CEP120: variants seen among roughly 807,000 people sequenced by gnomAD.
CEP120 encodes centrosomal protein 120.
A neutral mutation model predicts 126.5 loss-of-function variants in CEP120; 113 were observed. The ratio of observed to expected loss-of-function variants is 0.89; its 90% confidence interval spans 0.77 to 1.04. CEP120 has a LOEUF of 1.04. CEP120 is among the 50% of genes least tolerant of loss of function. The pLI, the probability that CEP120 is intolerant of heterozygous loss-of-function variation, is 0.00. For synonymous variants in CEP120, 400 were observed against 394.3 expected (o/e 1.01, Z -0.17); for missense variants, 1,230 against 1,155.7 (o/e 1.06, Z -0.93).
intron 17 of CEP120, among the ~76,000 whole-genome samples, chr5:123,366,304 TA>T (rs903014023): frequency 4.0e-5 from 6 of 151,476 alleles, no homozygotes; most frequent in Admixed American, 3.9e-4. Flanking sequence ...TAAGTAGATT[TA>T]AACTTCTGGA....
chr5:123,422,995 C>T lies in CEP120; in HGVS notation c.4G>A (p.Val2Ile). ...ATGAGCAATTGGTCGGATTTGGAGA[C>T]CATGGTTGCGGTGAGCGGTCCGGGG... The part of the protein sequence containing the change: M[V>I]SKSDQLLIVV... Residue 2 changes from valine to isoleucine, a missense_variant, in exon 1 of 20, where the codon GTC becomes ATC. By Grantham distance (29) the Val-to-Ile change is conservative. Coordinates refer to ENST00000306467, the MANE Select transcript of CEP120 (RefSeq NM_001375405.1). 6.2e-7 allele frequency: 1 copy of T among 1,614,062 alleles called. No homozygotes were observed. The highest frequency in any genetic ancestry group is 8.5e-7 in the Non-Finnish European group (1 of 1,179,962).
At chr5:123,356,828 C>G (rs1769671687) in intron 18 of CEP120, among the ~76,000 whole-genome samples, 1 of 152,066 alleles carries the variant, frequency 6.6e-6, no homozygotes, top group South Asian at 2.1e-4. Flanking sequence ...TCAACAAATA[C>G]TGTTATTGTT....
At chr5:123,356,203 G>C (rs898632328) in intron 18 of CEP120, among the ~76,000 whole-genome samples, 19 of 152,114 alleles carry the variant, frequency 1.2e-4, no homozygotes, top group Non-Finnish European at 2.2e-4. Context: ...ATAGTTTGAA[G>C]TCAGGTAGCA....
chr5:123,381,360 A>G (rs937159385), intron 14 of CEP120, among the ~76,000 whole-genome samples: 4 of 141,828 alleles, frequency 2.8e-5, no homozygotes, highest in Non-Finnish European at 6.2e-5. Flanking sequence ...TGATGAGAGG[A>G]GGGGGTTATA....
chr5:123,347,130 T>C (rs545041565), intron 19 of CEP120, among the ~76,000 whole-genome samples: 25 of 152,332 alleles, frequency 1.6e-4, no homozygotes, highest in Middle Eastern at 3.4e-3. Flanking sequence ...ACTTAAAATA[T>C]GTATTTTTTG....
intron 18 of CEP120, among the ~76,000 whole-genome samples, chr5:123,354,287 T>C (rs928083759): frequency 7.9e-5 from 12 of 152,134 alleles, no homozygotes; most frequent in Non-Finnish European, 1.3e-4. Context: ...TACAATCTTC[T>C]GGAATGTGTT....
intron 4 of CEP120, chr5:123,403,215 A>G (rs1396359259): frequency 2.2e-6 from 1 of 449,482 alleles, no homozygotes; most frequent in African/African-American, 2.0e-5. Flanking sequence ...CAGCTAACAT[A>G]CCTAGCACCT....
intron 17 of CEP120, among the ~76,000 whole-genome samples, chr5:123,372,335 T>TGC (rs1162851498): frequency 6.6e-6 from 1 of 152,106 alleles, no homozygotes; most frequent in African/African-American, 2.4e-5. Flanking sequence ...ATCTTGGCTA[T>TGC]GCCTTGCTTT....
intron 18 of CEP120, among the ~76,000 whole-genome samples, chr5:123,356,217 T>C (rs1254230564): frequency 1.3e-5 from 2 of 152,162 alleles, no homozygotes; most frequent in Non-Finnish European, 2.9e-5. Flanking sequence ...GGTAGCATGA[T>C]GCCTCCAGCT....
chr5:123,391,336 A>C lies in CEP120; in HGVS notation c.812T>G (p.Ile271Ser). ...VYLALQSKLQIHLCCGDQSLG... is the reference protein window; with the variant it reads ...VYLALQSKLQSHLCCGDQSLG... ...TGACTGGTCTCCACAGCAGAGGTGA[A>C]TCTAATATGAAAGGGAAAAATCAAA... The change falls in exon 7 of 20, where the codon ATT becomes AGT. Residue 271 changes from isoleucine (I) to serine (S), a missense_variant and splice_region_variant. Transcript: ENST00000306467. 1 of 1,606,220 alleles carries C rather than the reference A, an allele frequency of 6.2e-7. No individual in the cohort carries two copies. Among genetic ancestry groups the C allele is most frequent in the Non-Finnish European group, 8.5e-7 (1 of 1,173,334 alleles).
chr5:123,401,435 G>A, intron 4 of CEP120: 1 of 1,349,366 alleles, frequency 7.4e-7, no homozygotes, highest in Non-Finnish European at 1.1e-6. Flanking sequence ...CTTAGTCTTT[G>A]TGCACCGCAG....
At chr5:123,402,382 A>G (rs4836006) in intron 4 of CEP120, 592,177 of 1,341,900 alleles carry the variant, frequency 0.44, 132,148 homozygotes, top group Middle Eastern at 0.49. Context: ...CGAACCAGGC[A>G]GAGATCCTAG....
intron 1 of CEP120, among the ~76,000 whole-genome samples, chr5:123,419,708 T>C (rs545486893): frequency 6.6e-6 from 1 of 152,308 alleles, no homozygotes; most frequent in African/African-American, 2.4e-5. Flanking sequence ...CCAAACCCCA[T>C]TTCATCAATG....
intron 2 of CEP120, among the ~76,000 whole-genome samples, chr5:123,418,090 T>C (rs1033246632): frequency 6.6e-6 from 1 of 152,150 alleles, no homozygotes; most frequent in Non-Finnish European, 1.5e-5. Context: ...AACGGAAAAT[T>C]CCACACACAA....
chr5:123,408,870 T>C (rs930555458), intron 4 of CEP120, among the ~76,000 whole-genome samples: 6 of 151,918 alleles, frequency 3.9e-5, no homozygotes, highest in African/African-American at 9.7e-5. Flanking sequence ...CAAATGCAAA[T>C]ATCTTCAACA....
Position 123,378,145 on chromosome 5 carries a change from TA to T in CEP120, c.2196+190del, listed in dbSNP as rs5871043. Among the ~76,000 whole-genome samples the T allele has an allele frequency of 0.41, 61,821 of 151,616 alleles. 12,656 individuals carry two copies. The highest frequency in any genetic ancestry group is 0.48 in the East Asian group (2,443 of 5,126). On this transcript the variant is annotated intron_variant, in intron 15 of 19. Transcript: ENST00000306467. ...AATAACACCACTTTCCACCTCTTTG[TA>T]AATAATTATGTAAGACTCTCATAAA... is the stretch of plus-strand genomic sequence containing the variant.
chr5:123,390,794 T>A (rs987414619), intron 7 of CEP120: 1 of 239,818 alleles, frequency 4.2e-6, no homozygotes, highest in African/African-American at 2.3e-5. Flanking sequence ...TAATGCAGAT[T>A]CCCAGAAACT....
chr5:123,352,760 T>G (rs533626707), intron 18 of CEP120, among the ~76,000 whole-genome samples: 4 of 152,044 alleles, frequency 2.6e-5, no homozygotes, highest in Non-Finnish European at 4.4e-5. Flanking sequence ...ACAGATCAAT[T>G]TGGCCAAAAC....
chr5:123,395,809 G>A (rs1275272903), intron 5 of CEP120, among the ~76,000 whole-genome samples: 1 of 150,908 alleles, frequency 6.6e-6, no homozygotes, highest in Non-Finnish European at 1.5e-5. Flanking sequence ...AGCCTCCCAA[G>A]TACCTGGGAC....
Sources: allele counts gnomAD v4.1 joint callset (sites outside exome capture counted in the v4.1 genomes callset), GRCh38; gene constraint gnomAD v4.1.1; transcripts MANE v1.5; gene names NCBI Gene and HGNC (gene_info 2026-07-23, HGNC 2026-07-21).